Variants in LRRC8D observed in about 807,000 individuals in gnomAD.
The protein encoded by LRRC8D is leucine rich repeat containing 8 VRAC subunit D.
In LRRC8D, 20 loss-of-function variants were observed where a neutral mutation model predicts 55.8. The ratio of observed to expected loss-of-function variants is 0.36; its 90% confidence interval spans 0.25 to 0.52. The LOEUF (loss-of-function observed/expected upper bound fraction) is 0.52. Ranked by LOEUF, LRRC8D falls within the 20% of genes least tolerant of loss-of-function variation. The pLI, the probability that LRRC8D is intolerant of heterozygous loss-of-function variation, is 0.93. For missense variants in LRRC8D, 651 were observed against 1,030.8 expected (o/e 0.63, Z 5.05); for synonymous variants, 352 against 377.0 (o/e 0.93, Z 0.77).
At chr1:89,873,537 G>A (rs1662074624) in intron 2 of LRRC8D, among the ~76,000 whole-genome samples, 2 of 152,046 alleles carry the variant, frequency 1.3e-5, no homozygotes, top group African/African-American at 2.4e-5. Flanking sequence ...ATGTCCAGAT[G>A]GACTGACTAT....
At chr1:89,823,338 A>G (rs1432516199) in intron 1 of LRRC8D, among the ~76,000 whole-genome samples, 3 of 152,208 alleles carry the variant, frequency 2.0e-5, no homozygotes, top group African/African-American at 4.8e-5. Context: ...CAAAATCGCT[A>G]AAGTTTAATG....
chr1:89,927,872 C>G (rs940909874), intron 2 of LRRC8D, among the ~76,000 whole-genome samples: 2 of 152,180 alleles, frequency 1.3e-5, no homozygotes, highest in African/African-American at 4.8e-5. Context: ...TGTAAAGCCC[C>G]TAGTACAGTG....
In LRRC8D at chr1:89,934,747, A is replaced by G; in HGVS notation, c.1679A>G (p.Lys560Arg). The G allele has an allele frequency of 1.2e-6, 2 of 1,614,186 alleles. No homozygotes were observed. The stretch of plus-strand genomic sequence containing the variant: ...ATTCCTGCCTGGGTGTATTTGCTCA[A>G]AAACCTTCGAGAGTTGTACTTAATA... The part of the protein sequence containing the change: ...AEIPAWVYLL[K>R]NLRELYLIGN... The change falls in exon 3 of 3, where the codon AAA (lysine) becomes AGA (arginine). Residue 560 changes from lysine (K) to arginine (R), a missense_variant. Around this residue, in one of 5 missense-constraint regions of LRRC8D, gnomAD observed 338 missense variants for 479.4 expected, o/e 0.71. Coordinates refer to ENST00000337338, the MANE Select transcript of LRRC8D (RefSeq NM_001134479.2). This position sits in a 1 kb window ranked among gnomAD's most constrained non-coding sequence, Gnocchi z 5.9.
chr1:89,855,540 C>CATT, intron 2 of LRRC8D, among the ~76,000 whole-genome samples: 1 of 152,304 alleles, frequency 6.6e-6, no homozygotes, highest in East Asian at 1.9e-4. Flanking sequence ...CCTTTTCCCC[C>CATT]ATTAAGCTAT....
At position 89,920,082 on chromosome 1, in the gene LRRC8D, C is replaced by T. The variant is rs181730479; in HGVS notation, c.-2-12985C>T. Among the ~76,000 whole-genome samples, 19 of 152,262 alleles carry T rather than the reference C, an allele frequency of 1.2e-4. No homozygotes were observed. The East Asian group carries it at 3.7e-3, about 29-fold the overall frequency. On this transcript the variant is annotated intron_variant, in intron 2 of 2. Coordinates refer to ENST00000337338, the MANE Select transcript of LRRC8D (RefSeq NM_001134479.2). ...GTGAATAAAATCTCATTTGTAAGCC[C>T]TCAAATGTGGGCCTTGACTTTTAGA...
chr1:89,845,139 A>G (rs1341449758), intron 2 of LRRC8D, among the ~76,000 whole-genome samples: 1 of 152,210 alleles, frequency 6.6e-6, no homozygotes, highest in Non-Finnish European at 1.5e-5. Context: ...ATGACGTGGG[A>G]TGCTGACTAT....
At chr1:89,879,113 C>T (rs902535925) in intron 2 of LRRC8D, among the ~76,000 whole-genome samples, 4 of 152,150 alleles carry the variant, frequency 2.6e-5, no homozygotes, top group Non-Finnish European at 5.9e-5. Flanking sequence ...TGCATTTGTC[C>T]GCTAGACTTT....
At chr1:89,897,691 C>CT (rs1237859514) in intron 2 of LRRC8D, among the ~76,000 whole-genome samples, 1 of 151,996 alleles carries the variant, frequency 6.6e-6, no homozygotes, top group African/African-American at 2.4e-5. Flanking sequence ...CATATATTAA[C>CT]TTTTTTTAAA....
At position 89,934,575 on chromosome 1, in the gene LRRC8D, G is replaced by A. The variant is rs958446809; in HGVS notation, c.1507G>A (p.Ala503Thr). The change falls in exon 3 of 3, where the codon GCT becomes ACT. Residue 503 changes from alanine to threonine, a missense_variant. Around this residue, in one of 5 missense-constraint regions of LRRC8D, gnomAD observed 338 missense variants for 479.4 expected, o/e 0.71. Coordinates refer to ENST00000337338, the MANE Select transcript of LRRC8D (RefSeq NM_001134479.2). The surrounding 1 kb of genome is among the most constrained non-coding windows in gnomAD (Gnocchi z 5.9). ...GCTAAAGCTTGAACTAATTCCAGAA[G>A]CTAAAATTCCTGCTAAGATTTCTCA... ...DVLKLELIPE[A>T]KIPAKISQMT... 6.2e-7 allele frequency: 1 copy of A among 1,614,030 alleles called. No individual in the cohort carries two copies. Among genetic ancestry groups the A allele is most frequent in the Non-Finnish European group, 8.5e-7 (1 of 1,180,042 alleles).
At chr1:89,872,190 T>C (rs1251537345) in intron 2 of LRRC8D, among the ~76,000 whole-genome samples, 2 of 152,208 alleles carry the variant, frequency 1.3e-5, no homozygotes, top group African/African-American at 4.8e-5. Context: ...GTAGCAAGCG[T>C]TGTGCAAACT....
intron 2 of LRRC8D, among the ~76,000 whole-genome samples, chr1:89,873,866 T>C (rs1295154633): frequency 6.6e-6 from 1 of 152,220 alleles, no homozygotes. Context: ...TAATCTTTTC[T>C]ATGGGCAGTG....
intron 1 of LRRC8D, among the ~76,000 whole-genome samples, chr1:89,824,498 T>C (rs1660718813): frequency 6.6e-6 from 1 of 152,246 alleles, no homozygotes; most frequent in Non-Finnish European, 1.5e-5. Context: ...TAGGTAACTT[T>C]TGTTTAACCC....
intron 2 of LRRC8D, among the ~76,000 whole-genome samples, chr1:89,877,511 A>G (rs1185174228): frequency 1.3e-5 from 2 of 152,216 alleles, no homozygotes; most frequent in Non-Finnish European, 2.9e-5. Flanking sequence ...CTAATCTAAG[A>G]AAATAATCCT....
At chr1:89,846,823 A>G (rs1005266899) in intron 2 of LRRC8D, among the ~76,000 whole-genome samples, 6 of 152,144 alleles carry the variant, frequency 3.9e-5, no homozygotes, top group African/African-American at 1.4e-4. Context: ...GGTTTTAGTG[A>G]GCAAGTATCT....
rs1403473259 is a variant in LRRC8D, at chr1:89,935,842, A to G, written c.*197A>G. 2.2e-6 allele frequency: 1 copy of G among 459,892 alleles called. No individual in the cohort carries two copies. The highest frequency in any genetic ancestry group is 2.0e-5 in the African/African-American group (1 of 49,330). 28.5% of individuals were successfully genotyped at this position (459,892 alleles called of 1,614,324 possible). A position where few individuals can be genotyped will look rare whatever the true frequency, so the allele number is the denominator to read the frequency against. On this transcript the variant is annotated 3_prime_UTR_variant, in exon 3 of 3. Transcript: ENST00000337338. ...TAGGGTTTTAAGTCATTCATTTCCA[A>G]ATCATTTTTTTTTTTCTTTTGGGGA...
chr1:89,821,669 G>A (rs1348004287), intron 1 of LRRC8D, among the ~76,000 whole-genome samples: 1 of 152,160 alleles, frequency 6.6e-6, no homozygotes, highest in Non-Finnish European at 1.5e-5. Context: ...TTTCGGCTCT[G>A]CTGGTTCCTC....
intron 2 of LRRC8D, among the ~76,000 whole-genome samples, chr1:89,854,510 AAGG>A (rs1022803050): frequency 6.6e-6 from 1 of 152,176 alleles, no homozygotes; most frequent in African/African-American, 2.4e-5. Context: ...AGGAGGAGAG[AAGG>A]AGCAGCAGAC....
chr1:89,871,618 G>A (rs993344117), intron 2 of LRRC8D, among the ~76,000 whole-genome samples: 51 of 151,864 alleles, frequency 3.4e-4, no homozygotes, highest in Non-Finnish European at 5.3e-4. Context: ...TAATACTCTT[G>A]TTTCTTTCTA....
At chr1:89,894,703 A>G (rs763413743) in intron 2 of LRRC8D, among the ~76,000 whole-genome samples, 1 of 152,260 alleles carries the variant, frequency 6.6e-6, no homozygotes, top group Middle Eastern at 3.2e-3. Context: ...AAGCTGAAAT[A>G]TAGAAAAATA....
Sources: allele counts gnomAD v4.1 joint callset (sites outside exome capture counted in the v4.1 genomes callset), GRCh38; gene constraint gnomAD v4.1.1; regional missense constraint gnomAD v4.1.1; non-coding constraint Gnocchi (gnomAD v3.1); transcripts MANE v1.5; gene names NCBI Gene and HGNC (gene_info 2026-07-23, HGNC 2026-07-21).